SAMD5: variants seen among roughly 807,000 people sequenced by gnomAD.
SAMD5 encodes the protein sterile alpha motif domain containing 5.
A neutral mutation model predicts 11.3 loss-of-function variants in SAMD5; 13 were observed. The ratio of observed to expected loss-of-function variants is 1.15; its 90% CI spans 0.75 to 1.83. The LOEUF (loss-of-function observed/expected upper bound fraction) is 1.83. SAMD5 is among the 40% of genes most tolerant of loss of function. The probability of loss-of-function intolerance (pLI) is 0.00; values close to 1 mark genes in which losing one functional copy is unlikely to be tolerated. For synonymous variants in SAMD5, 129 were observed against 111.3 expected (o/e 1.16, Z -1.00); for missense variants, 255 against 239.1 (o/e 1.07, Z -0.44).
Position 147,564,525 on chromosome 6 carries a change from C to T in SAMD5, c.*69C>T, listed in dbSNP as rs1018215427. 7.6e-6 allele frequency: 7 copies of T among 925,112 alleles called. No individual in the cohort carries two copies. In the African/African-American group the frequency reaches 8.3e-5, roughly 11 times the overall value. The allele number at this position is 925,112 out of a possible 1,614,324, so 57.3% of individuals were successfully genotyped here. The stretch of plus-strand genomic sequence containing the variant: ...AGACTGGAAAAGGGCATATTTAGAA[C>T]CTTCTTTCAAAAAGGGAAATGGATG... On this transcript the variant is annotated 3_prime_UTR_variant, in exon 2 of 2. Transcript: ENST00000367474.
the SAMD5 span, among the ~76,000 whole-genome samples, chr6:147,873,329 A>T: frequency 6.6e-6 from 1 of 151,774 alleles, no homozygotes; most frequent in South Asian, 2.1e-4. Context: ...GTGAGCCAAG[A>T]TCGCGCCACT....
chr6:147,826,233 GCTTT>G, the SAMD5 span, among the ~76,000 whole-genome samples: 4 of 152,212 alleles, frequency 2.6e-5, no homozygotes. Flanking sequence ...CCAGTGAAGA[GCTTT>G]CTATTGAGTT....
chr6:147,533,761 C>A (rs573807692), intron 1 of SAMD5, among the ~76,000 whole-genome samples: 1 of 152,070 alleles, frequency 6.6e-6, no homozygotes, highest in Admixed American at 6.5e-5. Context: ...GCTGATGTTG[C>A]GGTCTTGAGA....
intron 1 of SAMD5, among the ~76,000 whole-genome samples, chr6:147,557,679 C>T: frequency 6.6e-6 from 1 of 152,232 alleles, no homozygotes; most frequent in South Asian, 2.1e-4. Context: ...AGAACATCTG[C>T]AGAGACTCTA....
intron 1 of SAMD5, among the ~76,000 whole-genome samples, chr6:147,580,348 T>A (rs1295742439): frequency 6.6e-6 from 1 of 152,236 alleles, no homozygotes; most frequent in African/African-American, 2.4e-5. Flanking sequence ...CTTACTTACT[T>A]ATCAGACCTC....
the SAMD5 span, among the ~76,000 whole-genome samples, chr6:147,744,823 G>T: frequency 1.1e-4 from 16 of 151,914 alleles, no homozygotes; most frequent in African/African-American, 3.9e-4. Context: ...ACTTGAACCT[G>T]GAAGGCAGAG....
chr6:147,817,572 T>C, the SAMD5 span, among the ~76,000 whole-genome samples: 3 of 152,236 alleles, frequency 2.0e-5, no homozygotes, highest in African/African-American at 7.2e-5. Flanking sequence ...CTTAGAAATA[T>C]GGAAAGACAG....
intron 1 of SAMD5, among the ~76,000 whole-genome samples, chr6:147,725,325 T>C (rs1472432820): frequency 6.7e-6 from 1 of 148,400 alleles, no homozygotes; most frequent in East Asian, 2.0e-4. Flanking sequence ...GGAGGAGGAG[T>C]GAATTCATCC....
chr6:147,948,487 G>A, the SAMD5 span, among the ~76,000 whole-genome samples: 3 of 152,002 alleles, frequency 2.0e-5, no homozygotes, highest in South Asian at 2.1e-4. Context: ...GTTATCTTAC[G>A]TTATAGGTTC....
At chr6:147,780,687 T>C in the SAMD5 span, among the ~76,000 whole-genome samples, 1 of 152,234 alleles carries the variant, frequency 6.6e-6, no homozygotes, top group Non-Finnish European at 1.5e-5. Context: ...GTTTAATTAA[T>C]ATTTTTCTAG....
intron 1 of SAMD5, among the ~76,000 whole-genome samples, chr6:147,587,066 G>A (rs1203948100): frequency 1.3e-5 from 2 of 152,024 alleles, no homozygotes; most frequent in African/African-American, 2.4e-5. Flanking sequence ...TAGTTTTGGG[G>A]TTTGAGTATT....
At chr6:147,618,041 G>C (rs555240057) in intron 1 of SAMD5, among the ~76,000 whole-genome samples, 5 of 152,260 alleles carry the variant, frequency 3.3e-5, no homozygotes, top group African/African-American at 1.2e-4. Flanking sequence ...TTTCAGCTTA[G>C]AATATACTCC....
chr6:147,943,575 C>G, the SAMD5 span, among the ~76,000 whole-genome samples: 6 of 152,130 alleles, frequency 3.9e-5, no homozygotes, highest in African/African-American at 1.4e-4. Context: ...GCTGCAGCCC[C>G]ACCTGGCTGG....
chr6:147,579,454 A>AT (rs3031353), intron 1 of SAMD5, among the ~76,000 whole-genome samples: 3,648 of 77,006 alleles, frequency 0.047, 351 homozygotes, highest in Non-Finnish European at 0.054. Context: ...CAGGCTTTGA[A>AT]TTTTTTTTTT....
chr6:147,776,762 C>T, the SAMD5 span, among the ~76,000 whole-genome samples: 1 of 152,126 alleles, frequency 6.6e-6, no homozygotes, highest in Non-Finnish European at 1.5e-5. Context: ...GGATGGAGAA[C>T]AAACAGTTTT....
At position 147,565,889 on chromosome 6, in the gene SAMD5, A is replaced by G. The variant is rs553301468; in HGVS notation, c.*1433A>G. 3.8e-5 allele frequency: 37 copies of G among 985,302 alleles called. No individual in the cohort carries two copies. The highest frequency in any genetic ancestry group is 6.1e-5 in the Admixed American group (1 of 16,272). 61.0% of individuals were successfully genotyped at this position (985,302 alleles called of 1,614,324 possible). A position where few individuals can be genotyped will look rare whatever the true frequency, so the allele number is the denominator to read the frequency against. On this transcript the variant is annotated 3_prime_UTR_variant, in exon 2 of 2. Coordinates refer to ENST00000367474, the MANE Select transcript of SAMD5 (RefSeq NM_001030060.3). ...GCTCCTGAGGCTGTCAATTGTTTAG[A>G]GCTCCCAAGTAGTACTGCATTACGG...
the SAMD5 span, among the ~76,000 whole-genome samples, chr6:147,837,440 G>A: frequency 7.8e-4 from 119 of 152,302 alleles, 3 homozygotes; most frequent in South Asian, 0.011. Flanking sequence ...GCTTAAGAAA[G>A]GGCATATGAC....
the SAMD5 span, among the ~76,000 whole-genome samples, chr6:147,948,278 GAA>G: frequency 2.2e-5 from 3 of 138,228 alleles, no homozygotes; most frequent in African/African-American, 5.3e-5. Context: ...TGCAAGGAGA[GAA>G]AAAAAAAAAA....
chr6:147,539,853 CAT>C (rs917049101), intron 1 of SAMD5, among the ~76,000 whole-genome samples: 22 of 152,168 alleles, frequency 1.4e-4, no homozygotes, highest in African/African-American at 5.3e-4. Flanking sequence ...GGCTTTTAAT[CAT>C]AGTGTTTAAA....
Sources: gnomAD v4.1 joint callset for allele counts (sites outside exome capture counted in the v4.1 genomes callset) on GRCh38, gnomAD v4.1.1 for gene constraint, MANE v1.5 for transcripts, NCBI Gene and HGNC (gene_info 2026-07-23, HGNC 2026-07-21) for gene names.